Variants in IQGAP1 observed in about 807,000 individuals in gnomAD.
The protein encoded by IQGAP1 is IQ motif containing GTPase activating protein 1.
In IQGAP1, 66 loss-of-function variants were observed where a neutral mutation model predicts 215.6. That is an observed-to-expected ratio of 0.31 (90% confidence interval 0.25 to 0.38). IQGAP1 has a LOEUF of 0.38. Among genes scored for constraint, IQGAP1 ranks in the 10% least tolerant of loss-of-function variants. The probability of loss-of-function intolerance (pLI) is 1.00; values close to 1 mark genes in which losing one functional copy is unlikely to be tolerated. For synonymous variants in IQGAP1, 772 were observed against 728.7 expected, an observed-to-expected ratio of 1.06 and a Z score of -0.96; for missense variants, 1,712 against 1,997.1, an observed-to-expected ratio of 0.86 and a Z score of 2.72.
At chr15:90,488,443 CA>C in intron 33 of IQGAP1, among the ~76,000 whole-genome samples, 1 of 151,596 alleles carries the variant, frequency 6.6e-6, no homozygotes, top group South Asian at 2.1e-4. Context: ...TGGTTGAAAC[CA>C]TGAATGTGTA....
intron 5 of IQGAP1, among the ~76,000 whole-genome samples, chr15:90,437,266 T>C (rs1423340520): frequency 2.0e-5 from 3 of 152,210 alleles, no homozygotes; most frequent in Non-Finnish European, 4.4e-5. Flanking sequence ...CCTGCCCCCA[T>C]TGATCCAATC....
intron 2 of IQGAP1, among the ~76,000 whole-genome samples, chr15:90,406,995 T>G (rs1964888368): frequency 6.6e-6 from 1 of 152,208 alleles, no homozygotes; most frequent in Non-Finnish European, 1.5e-5. Flanking sequence ...AGAGGCTTCC[T>G]GAAATTGGTG....
At position 90,429,615 on chromosome 15, in the gene IQGAP1, T is replaced by G. The variant is rs1319881787; in HGVS notation, c.339T>G (p.Thr113=). 3 of 1,608,426 alleles carry G rather than the reference T, an allele frequency of 1.9e-6. No individual in the cohort carries two copies. In the African/African-American group the frequency reaches 4.0e-5, roughly 22 times the overall value. Residue 113 remains threonine (T), a synonymous_variant, in exon 4 of 38, where the codon ACT becomes ACG. Transcript: ENST00000268182. Reference sequence around the variant, plus strand: ...CGACTGGCCTCCACTTTAGACACACTGATAATGTGATTCAGTGGTTGAATG... The same window carrying G: ...CGACTGGCCTCCACTTTAGACACACGGATAATGTGATTCAGTGGTTGAATG... ...YKATGLHFRH[T]DNVIQWLNAM... is the part of the protein sequence containing the mutation.
Position 90,426,132 on chromosome 15 carries a change from G to A in IQGAP1, c.178G>A (p.Glu60Lys), listed in dbSNP as rs1350739238. The change falls in exon 3 of 38, where the codon GAA becomes AAA. Residue 60 changes from glutamate to lysine, a missense_variant. Physicochemically the swap from Glu to Lys is moderately conservative, Grantham distance 56 (BLOSUM62 1). Coordinates refer to ENST00000268182, the MANE Select transcript of IQGAP1 (RefSeq NM_003870.4). ...CAGGTGGATGGAAGCATGCCTAGGG[G>A]AAGATCTGCCTCCCACCACAGAACT... ...AKRWMEACLG[E>K]DLPPTTELEE... 1.2e-6 allele frequency: 2 copies of A among 1,606,426 alleles called. No individual in the cohort carries two copies. The highest frequency in any genetic ancestry group is 2.7e-5 in the African/African-American group (2 of 74,290).
At chr15:90,399,883 C>T (rs1421524406) in intron 2 of IQGAP1, among the ~76,000 whole-genome samples, 1 of 152,008 alleles carries the variant, frequency 6.6e-6, no homozygotes, top group East Asian at 1.9e-4. Flanking sequence ...ATTTCTAGTT[C>T]TGGACTTTTA....
intron 15 of IQGAP1, among the ~76,000 whole-genome samples, chr15:90,463,063 G>GGTA (rs1567134511): frequency 6.6e-6 from 1 of 151,764 alleles, no homozygotes; most frequent in African/African-American, 2.4e-5. Flanking sequence ...ACTGGGATGA[G>GGTA]GTGTAGTGTA....
intron 24 of IQGAP1, 107 bp downstream of exon 24, chr15:90,476,925 G>A (rs1421528635): frequency 7.5e-7 from 1 of 1,324,870 alleles, no homozygotes; most frequent in African/African-American, 1.5e-5. Context: ...TCCACTGAGG[G>A]GTGAGTGAGG....
At chr15:90,392,992 G>T (rs551270410) in intron 2 of IQGAP1, among the ~76,000 whole-genome samples, 1 of 151,756 alleles carries the variant, frequency 6.6e-6, no homozygotes, top group Non-Finnish European at 1.5e-5. Context: ...TGATCCGCCC[G>T]TCTCAGCCTC....
In IQGAP1 at chr15:90,492,703, C is replaced by T. The variant is rs1448485546; in HGVS notation, c.4620C>T (p.Ser1540=). Residue 1540 remains serine (S), a synonymous_variant, in exon 35 of 38, where the codon AGC becomes AGT. Coordinates refer to ENST00000268182, the MANE Select transcript of IQGAP1 (RefSeq NM_003870.4). ...AAACCTGCTTGGATAACTTAGCCAG[C>T]AAGGGCAAGTGAGTATTTTTTCTTT... is the stretch of plus-strand genomic sequence containing the variant. ...YIKTCLDNLA[S]KGKVSKKPRE... 1 of 1,608,508 alleles carries T rather than the reference C, an allele frequency of 6.2e-7. No individual in the cohort carries two copies.
In IQGAP1 at chr15:90,442,452, A is replaced by G. The variant is rs202238533; in HGVS notation, c.828+768A>G. ...AGGGCGAGACTCCGTCTCGGGGGGG[A>G]AAAAAAAAACTTCACACAAATTTAT... is the stretch of plus-strand genomic sequence containing the variant. On this transcript the variant is annotated intron_variant, in intron 8 of 37. Coordinates refer to ENST00000268182, the MANE Select transcript of IQGAP1 (RefSeq NM_003870.4). 8.3e-3 allele frequency among the ~76,000 whole-genome samples: 516 copies of G among 62,446 alleles called. 1 individual carries two copies. The highest frequency in any genetic ancestry group is 0.028 in the African/African-American group (459 of 16,684). The allele number at this position is 62,446 out of a possible 152,430, so 41.0% of individuals were successfully genotyped here.
At chr15:90,499,939 C>T in intron 37 of IQGAP1, 56 bp from the exon 38 acceptor site, 1 of 1,166,914 alleles carries the variant, frequency 8.6e-7, no homozygotes, top group Non-Finnish European at 1.3e-6. Context: ...CCTTGTTCCA[C>T]AGACTTGATT....
intron 19 of IQGAP1, 86 bp downstream of exon 19, chr15:90,473,096 G>A: frequency 3.0e-6 from 4 of 1,327,590 alleles, no homozygotes; most frequent in South Asian, 1.3e-5. Flanking sequence ...GACTGTCTGA[G>A]TGTGTTTTTT....
intron 2 of IQGAP1, among the ~76,000 whole-genome samples, chr15:90,419,700 G>T (rs927101510): frequency 1.3e-5 from 2 of 152,136 alleles, no homozygotes; most frequent in Non-Finnish European, 2.9e-5. Context: ...TTTAAATATG[G>T]AATTATAAAG....
intron 2 of IQGAP1, among the ~76,000 whole-genome samples, chr15:90,401,368 T>TA (rs1191717679): frequency 1.3e-5 from 2 of 152,212 alleles, no homozygotes; most frequent in Non-Finnish European, 2.9e-5. Flanking sequence ...TGGGAAGAAT[T>TA]AGTTATTTCA....
At chr15:90,475,292 C>T (rs1347014217) in intron 23 of IQGAP1, among the ~76,000 whole-genome samples, 1 of 152,094 alleles carries the variant, frequency 6.6e-6, no homozygotes, top group African/African-American at 2.4e-5. Flanking sequence ...AGCCACGACA[C>T]CCGGCTTTTT....
intron 5 of IQGAP1, among the ~76,000 whole-genome samples, chr15:90,434,782 G>T (rs925403217): frequency 6.6e-6 from 1 of 151,534 alleles, no homozygotes; most frequent in African/African-American, 2.4e-5. Flanking sequence ...TAGCATTGAG[G>T]GTCATGTTGG....
intron 18 of IQGAP1, among the ~76,000 whole-genome samples, chr15:90,471,141 G>A (rs1028152590): frequency 1.3e-5 from 2 of 151,966 alleles, no homozygotes; most frequent in Non-Finnish European, 2.9e-5. Flanking sequence ...CAGTTTAACA[G>A]GAAAAAACCA....
chr15:90,475,245 C>T (rs1051497180), intron 23 of IQGAP1, among the ~76,000 whole-genome samples: 1 of 151,982 alleles, frequency 6.6e-6, no homozygotes, highest in Non-Finnish European at 1.5e-5. Context: ...GTGATCCACC[C>T]GCCTCAGCCT....
At chr15:90,413,306 G>A (rs528460012) in intron 2 of IQGAP1, among the ~76,000 whole-genome samples, 16 of 152,226 alleles carry the variant, frequency 1.1e-4, no homozygotes, top group African/African-American at 3.1e-4. Flanking sequence ...TCAGAGCCCC[G>A]GCATTGGAAA....
Sources: gnomAD v4.1 joint callset for allele counts (sites outside exome capture counted in the v4.1 genomes callset) on GRCh38, gnomAD v4.1.1 for gene constraint, MANE v1.5 for transcripts, NCBI Gene and HGNC (gene_info 2026-07-23, HGNC 2026-07-21) for gene names.